Variants in VAV1 observed in about 807,000 individuals in gnomAD.
VAV1 encodes proto-oncogene vav.
A neutral mutation model predicts 128.1 loss-of-function variants in VAV1; 33 were observed. That is an observed-to-expected ratio of 0.26 (90% confidence interval 0.20 to 0.34). VAV1 has a LOEUF of 0.34. Among genes scored for constraint, VAV1 ranks in the 10% least tolerant of loss-of-function variants. The pLI, the probability that VAV1 is intolerant of heterozygous loss-of-function variation, is 1.00. For missense variants in VAV1, 715 were observed against 1,093.7 expected, an observed-to-expected ratio of 0.65 and a Z score of 4.88; for synonymous variants, 394 against 409.8, an observed-to-expected ratio of 0.96 and a Z score of 0.47.
rs1162887441 is a variant in VAV1, at chr19:6,854,113, G to A, written c.2484+15G>A. On this transcript the variant is annotated intron_variant, in intron 26 of 26. Coordinates refer to ENST00000602142, the MANE Select transcript of VAV1 (RefSeq NM_005428.4). Reference sequence around the variant, plus strand: ...TCTATGGCCGGGTGAGGCAGGCAGGGCTGGGTGACGGGGAGGGCATGGGGG... The same window carrying A: ...TCTATGGCCGGGTGAGGCAGGCAGGACTGGGTGACGGGGAGGGCATGGGGG... 3.7e-6 allele frequency: 6 copies of A among 1,611,314 alleles called. No homozygotes were observed. Among genetic ancestry groups the A allele is most frequent in the Non-Finnish European group, 5.1e-6 (6 of 1,179,706 alleles).
At chr19:6,843,013 C>A in intron 21 of VAV1, 122 bp from the exon 22 acceptor site, 1 of 1,070,128 alleles carries the variant, frequency 9.3e-7, no homozygotes, top group Non-Finnish European at 1.4e-6. Flanking sequence ...GTGCCTGGCA[C>A]ATAATAGGCA....
At chr19:6,838,085 G>A in intron 21 of VAV1, among the ~76,000 whole-genome samples, 1 of 129,780 alleles carries the variant, frequency 7.7e-6, no homozygotes, top group East Asian at 2.2e-4. Context: ...GCCCTCATCT[G>A]TCTGTCTGTC....
chr19:6,846,435 A>G (rs1444925455), intron 22 of VAV1, among the ~76,000 whole-genome samples: 2 of 151,454 alleles, frequency 1.3e-5, no homozygotes, highest in East Asian at 3.9e-4. Flanking sequence ...AAAAGTACAG[A>G]AAATTAGCTG....
intron 1 of VAV1, among the ~76,000 whole-genome samples, chr19:6,799,561 T>C (rs1971215984): frequency 6.6e-6 from 1 of 152,098 alleles, no homozygotes; most frequent in African/African-American, 2.4e-5. Flanking sequence ...CATCAACCCA[T>C]CATCTACATT....
chr19:6,828,549 T>A lies in VAV1; in HGVS notation c.1092+62T>A. 1 of 1,613,626 alleles carries A rather than the reference T, an allele frequency of 6.2e-7. No individual in the cohort carries two copies. Among genetic ancestry groups the A allele is most frequent in the Non-Finnish European group, 8.5e-7 (1 of 1,179,614 alleles). ...CAGACACCCTCCTGGTAGGGGCTGA[T>A]CCTCTAGCCGGGATTAGGTAGGAGC... On this transcript the variant is annotated intron_variant, in intron 11 of 26. Coordinates refer to ENST00000602142, the MANE Select transcript of VAV1 (RefSeq NM_005428.4). The surrounding 1 kb of genome is among the most constrained non-coding windows in gnomAD (Gnocchi z 4.5).
chr19:6,814,637 CTCCTTCCTTCCTTCCTTCCT>C (rs1169076080), intron 1 of VAV1, among the ~76,000 whole-genome samples: 6 of 82,032 alleles, frequency 7.3e-5, no homozygotes, highest in Admixed American at 1.3e-4. Flanking sequence ...TTTTCTTTCT[CTCCTTCCTTCCTTCCTTCCT>C]TCCTTCCTTC....
intron 14 of VAV1, among the ~76,000 whole-genome samples, chr19:6,831,336 G>A (rs780372507): frequency 1.3e-5 from 2 of 151,740 alleles, no homozygotes; most frequent in Non-Finnish European, 2.9e-5. Flanking sequence ...TTTTTGAGAC[G>A]GAGCCTCGCT....
intron 1 of VAV1, among the ~76,000 whole-genome samples, chr19:6,787,933 C>T (rs538721560): frequency 5.1e-4 from 77 of 151,864 alleles, no homozygotes; most frequent in African/African-American, 1.6e-3. Flanking sequence ...AAAAATTAGC[C>T]GGGTGTGGTG....
rs1407704918 is a variant in VAV1 at position 6,822,518 on chromosome 19, G to A, written c.654+4G>A. Reference sequence around the variant, plus strand: ...CACGCTGGGCTCCATCCAGCAGGTGGGCGCCTCCCACCCAGCGCCTGCCGG... The same window carrying A: ...CACGCTGGGCTCCATCCAGCAGGTGAGCGCCTCCCACCCAGCGCCTGCCGG... On this transcript the variant is annotated splice_donor_region_variant and intron_variant, in intron 6 of 26. Coordinates refer to ENST00000602142, the MANE Select transcript of VAV1 (RefSeq NM_005428.4). The surrounding 1 kb of genome is among the most constrained non-coding windows in gnomAD (Gnocchi z 5.9). The A allele has an allele frequency of 6.5e-7, 1 of 1,546,396 alleles. No homozygotes were observed. Among genetic ancestry groups the A allele is most frequent in the Admixed American group, 2.0e-5 (1 of 51,122 alleles).
chr19:6,793,193 G>A (rs1488309486), intron 1 of VAV1, among the ~76,000 whole-genome samples: 1 of 152,088 alleles, frequency 6.6e-6, no homozygotes, highest in Non-Finnish European at 1.5e-5. Context: ...AATTAGCCAG[G>A]CATGGTGGCG....
rs1971965666 is a variant in VAV1, at chr19:6,828,260, G to T, written c.1023+89G>T. 1.3e-6 allele frequency: 2 copies of T among 1,547,018 alleles called. No homozygotes were observed. The highest frequency in any genetic ancestry group is 1.8e-6 in the Non-Finnish European group (2 of 1,129,688). On this transcript the variant is annotated intron_variant, in intron 10 of 26. Transcript: ENST00000602142. This position sits in a 1 kb window ranked among gnomAD's most constrained non-coding sequence, Gnocchi z 4.5. The stretch of plus-strand genomic sequence containing the variant: ...GACGGGGCTGGCTTCTGGGGGTTGG[G>T]TCTCTAGGACGCTCGGGGATGGGTC...
In VAV1 at chr19:6,808,912, C is replaced by T. The variant is rs190287335; in HGVS notation, c.205-11790C>T. Among the ~76,000 whole-genome samples, 236 of 152,212 alleles carry T rather than the reference C, an allele frequency of 1.6e-3. 2 individuals are homozygous for T. The highest frequency in any genetic ancestry group is 3.4e-3 in the Middle Eastern group (1 of 294). Reference sequence around the variant, plus strand: ...AGGATACCTTTAGCTAGGTGCTTGTCTCTGCTCCACACGGTCTCTCATCCT... The same window carrying T: ...AGGATACCTTTAGCTAGGTGCTTGTTTCTGCTCCACACGGTCTCTCATCCT... On this transcript the variant is annotated intron_variant, in intron 1 of 26. Transcript: ENST00000602142.
intron 21 of VAV1, among the ~76,000 whole-genome samples, chr19:6,841,478 CTT>C (rs35484934): frequency 1.5e-5 from 2 of 135,614 alleles, no homozygotes; most frequent in African/African-American, 2.7e-5. Context: ...TTTTTCTTTT[CTT>C]TTTTTTTTTT....
chr19:6,775,375 T>C (rs950863946), intron 1 of VAV1, among the ~76,000 whole-genome samples: 1 of 152,192 alleles, frequency 6.6e-6, no homozygotes, highest in Non-Finnish European at 1.5e-5. Context: ...TAAAGCTAGT[T>C]TTTGGATGAA....
At chr19:6,852,166 G>A (rs1202964199) in intron 24 of VAV1, among the ~76,000 whole-genome samples, 2 of 152,116 alleles carry the variant, frequency 1.3e-5, no homozygotes, top group East Asian at 3.9e-4. Flanking sequence ...GGCATGCACT[G>A]TCATGCCTGG....
rs770136826 is a variant in VAV1, at chr19:6,822,490, T to C, written c.630T>C (p.Thr210=). 9.7e-6 allele frequency: 15 copies of C among 1,553,422 alleles called. No individual in the cohort carries two copies. The highest frequency in any genetic ancestry group is 1.2e-5 in the South Asian group (1 of 84,428). Residue 210 remains threonine, a synonymous_variant, in exon 6 of 27, where the codon ACT becomes ACC. Coordinates refer to ENST00000602142, the MANE Select transcript of VAV1 (RefSeq NM_005428.4). This position sits in a 1 kb window ranked among gnomAD's most constrained non-coding sequence, Gnocchi z 5.9. ...TCCAGCAGACGGAGGAGAAGTACAC[T>C]GACACGCTGGGCTCCATCCAGCAGG... ...REIQQTEEKY[T]DTLGSIQQHF...
In VAV1 at chr19:6,822,535, G is replaced by C; in HGVS notation, c.654+21G>C. ...AGCAGGTGGGCGCCTCCCACCCAGC[G>C]CCTGCCGGGCGCATGCGCGGGAGCT... On this transcript the variant is annotated intron_variant, in intron 6 of 26. Coordinates refer to ENST00000602142, the MANE Select transcript of VAV1 (RefSeq NM_005428.4). The surrounding 1 kb of genome is among the most constrained non-coding windows in gnomAD (Gnocchi z 5.9). 1.3e-6 allele frequency: 2 copies of C among 1,541,828 alleles called. No individual in the cohort carries two copies. The highest frequency in any genetic ancestry group is 1.7e-6 in the Non-Finnish European group (2 of 1,145,660).
At chr19:6,795,584 T>C (rs1461169250) in intron 1 of VAV1, among the ~76,000 whole-genome samples, 1 of 152,170 alleles carries the variant, frequency 6.6e-6, no homozygotes, top group East Asian at 1.9e-4. Context: ...TGAGAACTGA[T>C]GATACGTAAC....
At position 6,826,231 on chromosome 19, in the gene VAV1, G is replaced by A. The variant is rs376316841; in HGVS notation, c.828-381G>A. 5.9e-5 allele frequency among the ~76,000 whole-genome samples: 9 copies of A among 151,326 alleles called. No homozygotes were observed. Among genetic ancestry groups the A allele is most frequent in the East Asian group, 5.9e-4 (3 of 5,096 alleles). ...CAGGTGTCTGTAATCCCAGCTACTCGGGGGGCTGAAGCAGGAGAATCGCTT... is the reference window on the plus strand; with the variant it reads ...CAGGTGTCTGTAATCCCAGCTACTCAGGGGGCTGAAGCAGGAGAATCGCTT... On this transcript the variant is annotated intron_variant, in intron 8 of 26. Transcript: ENST00000602142. This position sits in a 1 kb window ranked among gnomAD's most constrained non-coding sequence, Gnocchi z 4.1.
Sources: allele counts gnomAD v4.1 joint callset (sites outside exome capture counted in the v4.1 genomes callset), GRCh38; gene constraint gnomAD v4.1.1; non-coding constraint Gnocchi (gnomAD v3.1); transcripts MANE v1.5; gene names NCBI Gene and HGNC (gene_info 2026-07-23, HGNC 2026-07-21).